GET1: variants seen among roughly 807,000 people sequenced by gnomAD.
The protein encoded by GET1 is congenital heart disease 5 protein.
In GET1, 20 loss-of-function variants were observed where a neutral mutation model predicts 22.6. The ratio of observed to expected loss-of-function variants is 0.89; its 90% CI spans 0.62 to 1.29. The LOEUF (loss-of-function observed/expected upper bound fraction) is 1.29, where lower values mean the gene tolerates loss of function less well. GET1 is among the 50% of genes most tolerant of loss of function. GET1 has a pLI of 0.00. For synonymous variants in GET1, 92 were observed against 83.8 expected, an observed-to-expected ratio of 1.10 and a Z score of -0.53; for missense variants, 209 against 219.9, an observed-to-expected ratio of 0.95 and a Z score of 0.31.
chr21:39,427,579 G>A (rs1372251777), intron 1 of GET1, among the ~76,000 whole-genome samples: 5 of 151,136 alleles, frequency 3.3e-5, no homozygotes, highest in African/African-American at 9.7e-5. Context: ...GGAGAATGGC[G>A]TGAACCCGGG....
chr21:39,414,738 C>CTGTGTG (rs763309098), intron 1 of GET1, among the ~76,000 whole-genome samples: 7,217 of 106,584 alleles, frequency 0.068, 214 homozygotes, highest in Non-Finnish European at 0.082. Context: ...CTCTCTCTCT[C>CTGTGTG]TCTCTGTGTG....
At chr21:39,422,444 C>T (rs1468990983) in intron 1 of GET1, 1 of 153,716 alleles carries the variant, frequency 6.5e-6, no homozygotes, top group African/African-American at 2.4e-5. Flanking sequence ...TTTTCCTTCC[C>T]TACTACCCAG....
chr21:39,423,580 T>C, intron 1 of GET1: 1 of 1,122,124 alleles, frequency 8.9e-7, no homozygotes, highest in Non-Finnish European at 1.2e-6. Flanking sequence ...CATGCCCCCA[T>C]GCACACACAC....
In GET1 at chr21:39,393,194, A is replaced by G; in HGVS notation, c.365A>G (p.Lys122Arg). ...GCCCTGATGATCTCACTCATTTGGA[A>G]GTATTATTCTGTCCCTGTGGCTGTC... Reference protein sequence around the residue: ...QAALMISLIWKYYSVPVAVVP... With the variant: ...QAALMISLIWRYYSVPVAVVP... The change falls in exon 4 of 5, where the codon AAG (lysine) becomes AGG (arginine). Residue 122 changes from lysine (K) to arginine (R), a missense_variant. Lys to Arg is a conservative substitution (Grantham distance 26). Transcript: ENST00000649170. 1 of 1,614,108 alleles carries G rather than the reference A, an allele frequency of 6.2e-7. No homozygotes were observed.
At chr21:39,417,982 T>C (rs530416720) in intron 1 of GET1, among the ~76,000 whole-genome samples, 1 of 152,126 alleles carries the variant, frequency 6.6e-6, no homozygotes, top group East Asian at 1.9e-4. Flanking sequence ...TTGCCAGGAT[T>C]GTCTCCATCT....
intron 1 of GET1, chr21:39,386,233 ATCT>A (rs1221487011): frequency 6.6e-6 from 1 of 152,368 alleles, no homozygotes; most frequent in Non-Finnish European, 1.5e-5. Context: ...CTCTGTGGTC[ATCT>A]TCTTAGAGAG....
chr21:39,395,663 C>T (rs1031140779), intron 4 of GET1, among the ~76,000 whole-genome samples: 3 of 152,222 alleles, frequency 2.0e-5, no homozygotes, highest in Non-Finnish European at 4.4e-5. Flanking sequence ...TGTGCCTGGC[C>T]AGGAATGGCT....
chr21:39,412,782 A>T (rs1006192905), intron 1 of GET1, among the ~76,000 whole-genome samples: 1 of 152,166 alleles, frequency 6.6e-6, no homozygotes, highest in African/African-American at 2.4e-5. Flanking sequence ...GCCCCTTAAA[A>T]AGCGCCTCCC....
downstream of GET1, among the ~76,000 whole-genome samples, chr21:39,398,557 A>C (rs1216077663): frequency 6.6e-6 from 1 of 152,150 alleles, no homozygotes; most frequent in Non-Finnish European, 1.5e-5. Flanking sequence ...TAAATAGGGG[A>C]AATGTAAATG....
intron 2 of GET1, 140 bp downstream of exon 2, chr21:39,391,003 CAGTAATA>C: frequency 1.1e-6 from 1 of 907,024 alleles, no homozygotes; most frequent in Non-Finnish European, 1.6e-6. Context: ...GGAGGAAACT[CAGTAATA>C]AGTATTACTT....
rs1385611589 is a variant in GET1, at chr21:39,414,736, CTCTCTCTGTG to C, written c.*23+3801_*23+3810del. 4.0e-3 allele frequency among the ~76,000 whole-genome samples: 373 copies of C among 92,268 alleles called. 1 individual carries two copies. Among genetic ancestry groups the C allele is most frequent in the African/African-American group, 0.017 (360 of 21,690 alleles). 60.5% of individuals were successfully genotyped at this position (92,268 alleles called of 152,430 possible). ...TCCCTCTCTCTCTCTCTCTCTCTCTCTCTCTCTGTGTGTGTGTGTGTGTGTGTGTGTGTGT... is the reference window on the plus strand; with the variant it reads ...TCCCTCTCTCTCTCTCTCTCTCTCTCTGTGTGTGTGTGTGTGTGTGTGTGT... On this transcript the variant is annotated intron_variant, in intron 1 of 1. Coordinates refer to the GET1 transcript ENST00000478273.
At chr21:39,399,515 G>A (rs549343763), downstream of GET1, among the ~76,000 whole-genome samples, 1 of 152,236 alleles carries the variant, frequency 6.6e-6, no homozygotes, top group Admixed American at 6.5e-5. Flanking sequence ...CGCGATCTCG[G>A]CTCACTGCAA....
intron 1 of GET1, chr21:39,426,083 T>G (rs1157454203): frequency 6.6e-6 from 1 of 152,232 alleles, no homozygotes; most frequent in Non-Finnish European, 1.5e-5. Context: ...GTATTCTTCT[T>G]TGTGTGAGGC....
At chr21:39,422,323 A>G (rs557732181) in intron 1 of GET1, 4 of 152,394 alleles carry the variant, frequency 2.6e-5, no homozygotes, top group East Asian at 1.9e-4. Flanking sequence ...TCTTAATATG[A>G]TATCAATGCC....
Position 39,390,800 on chromosome 21 carries a change from T to C in GET1, c.205T>C (p.Phe69Leu). Residue 69 changes from phenylalanine (F) to leucine (L), a missense_variant, in exon 2 of 5, where the codon TTT (phenylalanine) becomes CTT (leucine). By Grantham distance (22) the Phe-to-Leu change is conservative. Coordinates refer to ENST00000649170, the MANE Select transcript of GET1 (RefSeq NM_004627.6). ...CTCCACAGTCAACATGATGGACGAG[T>C]TTGCCAGATATGCCAGGCTGGAAAG... ...ELSTVNMMDE[F>L]ARYARLERKI... 1 of 1,614,038 alleles carries C rather than the reference T, an allele frequency of 6.2e-7. No individual in the cohort carries two copies. The highest frequency in any genetic ancestry group is 8.5e-7 in the Non-Finnish European group (1 of 1,179,996).
Position 39,397,118 on chromosome 21 carries a change from C to T in GET1, c.*179C>T, listed in dbSNP as rs557049635. 4 of 659,470 alleles carry T rather than the reference C, an allele frequency of 6.1e-6. No individual in the cohort carries two copies. Among genetic ancestry groups the T allele is most frequent in the Admixed American group, 5.9e-5 (2 of 33,828 alleles). 40.9% of individuals were successfully genotyped at this position (659,470 alleles called of 1,614,324 possible). A position where few individuals can be genotyped will look rare whatever the true frequency, so the allele number is the denominator to read the frequency against. On this transcript the variant is annotated 3_prime_UTR_variant, in exon 5 of 5. Coordinates refer to ENST00000649170, the MANE Select transcript of GET1 (RefSeq NM_004627.6). ...GTCTTATAAGAATCACGATTTTCTA[C>T]ACCTGTCATTGAGCCAAGAAAGTCC...
At chr21:39,416,588 G>A (rs908573757) in intron 1 of GET1, among the ~76,000 whole-genome samples, 6 of 152,116 alleles carry the variant, frequency 3.9e-5, no homozygotes, top group African/African-American at 1.4e-4. Flanking sequence ...GTTACTCTGA[G>A]AATATTGCAT....
intron 1 of GET1, among the ~76,000 whole-genome samples, chr21:39,417,001 C>T (rs1569082647): frequency 6.6e-6 from 1 of 152,122 alleles, no homozygotes; most frequent in Non-Finnish European, 1.5e-5. Context: ...CATTTGGGTT[C>T]ATCTGCATTT....
At chr21:39,412,631 C>T (rs569662896) in intron 1 of GET1, among the ~76,000 whole-genome samples, 69 of 150,816 alleles carry the variant, frequency 4.6e-4, no homozygotes, top group Admixed American at 8.5e-4. Flanking sequence ...GGGGGTGGGG[C>T]GGGGAGAGAG....
Sources: gnomAD v4.1 joint callset for allele counts (sites outside exome capture counted in the v4.1 genomes callset) on GRCh38, gnomAD v4.1.1 for gene constraint, MANE v1.5 for transcripts, NCBI Gene and HGNC (gene_info 2026-07-23, HGNC 2026-07-21) for gene names.